PTPRD: variants seen among roughly 807,000 people sequenced by gnomAD.
PTPRD encodes the protein protein tyrosine phosphatase receptor type D, also known as receptor-type tyrosine-protein phosphatase delta.
PTPRD carries 34 observed loss-of-function variants against 214.5 expected under a neutral mutation model. That is an observed-to-expected ratio of 0.16 (90% CI 0.12 to 0.21). The LOEUF is 0.21. Ranked by LOEUF, PTPRD falls within the 10% of genes least tolerant of loss-of-function variation. PTPRD has a pLI of 1.00. For synonymous variants in PTPRD, 1,128 were observed against 845.7 expected, an observed-to-expected ratio of 1.33 and a Z score of -5.79; for missense variants, 2,545 against 2,398.7, an observed-to-expected ratio of 1.06 and a Z score of -1.27.
chr9:9,014,163 C>T (rs961361374), intron 11 of PTPRD, among the ~76,000 whole-genome samples: 72 of 149,720 alleles, frequency 4.8e-4, no homozygotes, highest in Non-Finnish European at 8.6e-4. Flanking sequence ...CTGTTTGGTC[C>T]ATGCTATTAC....
At position 8,439,935 on chromosome 9, in the gene PTPRD, A is replaced by ATT. The variant is rs1166530719; in HGVS notation, c.3989-3248_3989-3247dup. On this transcript the variant is annotated intron_variant, in intron 34 of 45. Coordinates refer to ENST00000381196, the MANE Select transcript of PTPRD (RefSeq NM_002839.4). ...CATTTAAATTACTTGATGTGCTTTAATTTTTTTTTTTTTTTTTTTTTTTTT... is the reference window on the plus strand; with the variant it reads ...CATTTAAATTACTTGATGTGCTTTAATTTTTTTTTTTTTTTTTTTTTTTTTTT... Among the ~76,000 whole-genome samples, 268 of 73,300 alleles carry ATT rather than the reference A, an allele frequency of 3.7e-3. 20 individuals are homozygous for ATT. Among genetic ancestry groups the ATT allele is most frequent in the East Asian group, 0.013 (26 of 2,032 alleles). 48.1% of individuals were successfully genotyped at this position (73,300 alleles called of 152,430 possible).
chr9:10,507,924 G>A (rs2046591536), intron 2 of PTPRD, among the ~76,000 whole-genome samples: 1 of 152,114 alleles, frequency 6.6e-6, no homozygotes, highest in African/African-American at 2.4e-5. Flanking sequence ...AAAAGCAATG[G>A]CAACAAAAGC....
intron 2 of PTPRD, among the ~76,000 whole-genome samples, chr9:10,499,813 T>C (rs981527171): frequency 6.6e-6 from 1 of 151,924 alleles, no homozygotes; most frequent in Non-Finnish European, 1.5e-5. Context: ...ATAATATTTA[T>C]TGTCATGTGC....
At chr9:8,577,558 C>G (rs2092574544) in intron 14 of PTPRD, among the ~76,000 whole-genome samples, 1 of 152,108 alleles carries the variant, frequency 6.6e-6, no homozygotes, top group Non-Finnish European at 1.5e-5. Flanking sequence ...CCCAGCCTAC[C>G]TTTAACTCTT....
intron 14 of PTPRD, among the ~76,000 whole-genome samples, chr9:8,590,800 G>C (rs1381835189): frequency 1.3e-5 from 2 of 152,110 alleles, no homozygotes; most frequent in African/African-American, 2.4e-5. Flanking sequence ...ATTAAGGTAG[G>C]TAATTAGTTT....
At chr9:8,623,491 G>T (rs1457040327) in intron 14 of PTPRD, among the ~76,000 whole-genome samples, 1 of 151,804 alleles carries the variant, frequency 6.6e-6, no homozygotes, top group African/African-American at 2.4e-5. Context: ...AGATAATTCT[G>T]CCTGTGCCAA....
intron 9 of PTPRD, among the ~76,000 whole-genome samples, chr9:9,205,503 T>C (rs1326052003): frequency 2.0e-5 from 3 of 152,144 alleles, no homozygotes; most frequent in Non-Finnish European, 4.4e-5. Flanking sequence ...ACCATAAAAG[T>C]ATGCCAAAAT....
chr9:10,429,791 T>C (rs1281716218), intron 2 of PTPRD, among the ~76,000 whole-genome samples: 1 of 151,878 alleles, frequency 6.6e-6, no homozygotes, highest in African/African-American at 2.4e-5. Context: ...GGATAAAATG[T>C]ATGTTATGAA....
intron 9 of PTPRD, among the ~76,000 whole-genome samples, chr9:9,366,017 G>A (rs1316688614): frequency 1.3e-5 from 2 of 151,326 alleles, no homozygotes; most frequent in Non-Finnish European, 3.0e-5. Flanking sequence ...GATATTCTGA[G>A]TAAAATTCTG....
At chr9:10,594,179 A>T (rs1436107544) in intron 2 of PTPRD, among the ~76,000 whole-genome samples, 1 of 152,002 alleles carries the variant, frequency 6.6e-6, no homozygotes, top group Non-Finnish European at 1.5e-5. Context: ...AATCTACTTT[A>T]CTATAATTAC....
At chr9:8,930,671 G>T (rs1049180376) in intron 11 of PTPRD, among the ~76,000 whole-genome samples, 3 of 152,130 alleles carry the variant, frequency 2.0e-5, no homozygotes, top group African/African-American at 7.2e-5. Flanking sequence ...GTGTGAGATG[G>T]TATCTCATTG....
At chr9:8,585,601 AGT>A (rs1594594532) in intron 14 of PTPRD, among the ~76,000 whole-genome samples, 1 of 152,230 alleles carries the variant, frequency 6.6e-6, no homozygotes, top group Non-Finnish European at 1.5e-5. Context: ...TACATTGCAA[AGT>A]AGTCCTAACT....
intron 2 of PTPRD, among the ~76,000 whole-genome samples, chr9:10,557,260 C>G (rs1590853944): frequency 6.6e-6 from 1 of 152,010 alleles, no homozygotes; most frequent in East Asian, 1.9e-4. Context: ...CTCTGTCTCT[C>G]ATTTAAAAGG....
At chr9:8,974,391 TTTTTAA>T (rs2099256410) in intron 11 of PTPRD, among the ~76,000 whole-genome samples, 1 of 152,138 alleles carries the variant, frequency 6.6e-6, no homozygotes, top group Non-Finnish European at 1.5e-5. Flanking sequence ...GGTATACTCC[TTTTTAA>T]TTTTATTTTA....
chr9:10,396,677 T>C (rs1055113617), intron 2 of PTPRD, among the ~76,000 whole-genome samples: 1 of 152,010 alleles, frequency 6.6e-6, no homozygotes, highest in Non-Finnish European at 1.5e-5. Context: ...TAATGAGATT[T>C]GGGAAATAAC....
At chr9:8,854,560 A>G (rs1252705046) in intron 11 of PTPRD, among the ~76,000 whole-genome samples, 1 of 152,226 alleles carries the variant, frequency 6.6e-6, no homozygotes, top group Non-Finnish European at 1.5e-5. Context: ...GTCAGTTTGA[A>G]AAATTGAAAA....
intron 10 of PTPRD, among the ~76,000 whole-genome samples, chr9:9,114,357 T>C (rs2099810130): frequency 6.6e-6 from 1 of 152,180 alleles, no homozygotes; most frequent in Admixed American, 6.6e-5. Flanking sequence ...AGAATCGTTT[T>C]TAGAGGCCTT....
chr9:10,526,010 T>G (rs1191679960), intron 2 of PTPRD, among the ~76,000 whole-genome samples: 1 of 152,124 alleles, frequency 6.6e-6, no homozygotes, highest in Non-Finnish European at 1.5e-5. Flanking sequence ...CTTATCAGCC[T>G]ACTGCCCACA....
intron 33 of PTPRD, among the ~76,000 whole-genome samples, chr9:8,453,679 T>A (rs1163004203): frequency 6.6e-6 from 1 of 152,220 alleles, no homozygotes; most frequent in Non-Finnish European, 1.5e-5. Context: ...AATGCAGCAA[T>A]AGTTCTCAAA....
Sources: gnomAD v4.1 joint callset for allele counts (sites outside exome capture counted in the v4.1 genomes callset) on GRCh38, gnomAD v4.1.1 for gene constraint, MANE v1.5 for transcripts, NCBI Gene and HGNC (gene_info 2026-07-23, HGNC 2026-07-21) for gene names.